The following EPB41L4B variants were observed in gnomAD, a reference collection of about 807,000 sequenced individuals.
The protein encoded by EPB41L4B is band 4.1-like protein 4B.
A neutral mutation model predicts 112.5 loss-of-function variants in EPB41L4B; 30 were observed. The ratio of observed to expected loss-of-function variants is 0.27; its 90% CI spans 0.20 to 0.36. The LOEUF is 0.36. EPB41L4B is among the 10% of genes least tolerant of loss of function. The pLI, the probability that EPB41L4B is intolerant of heterozygous loss-of-function variation, is 1.00. For missense variants in EPB41L4B, 1,024 were observed against 1,133.3 expected (o/e 0.90, Z 1.38); for synonymous variants, 408 against 439.7 (o/e 0.93, Z 0.90).
chr9:109,212,584 C>T lies in EPB41L4B; in HGVS notation c.1752+1116G>A, dbSNP rs185870066. Among the ~76,000 whole-genome samples, 32 of 152,278 alleles carry T rather than the reference C, an allele frequency of 2.1e-4. 1 individual carries two copies. The East Asian group carries it at 3.3e-3, about 16-fold the overall frequency. ...GAGGGATTATGGGAAAGGTCAGGGA[C>T]GGGAAGGGCAGGAGGTGTAACCTTC... On this transcript the variant is annotated intron_variant, in intron 17 of 25. Transcript: ENST00000374566.
chr9:109,175,227 A>T (rs4978775), intron 25 of EPB41L4B, among the ~76,000 whole-genome samples: 122,712 of 152,068 alleles, frequency 0.81, 49,716 homozygotes, highest in Admixed American at 0.85. Flanking sequence ...CTCAGTAAAG[A>T]CTTTTGAATG....
chr9:109,312,743 C>T (rs756728592), intron 1 of EPB41L4B, among the ~76,000 whole-genome samples: 2 of 152,170 alleles, frequency 1.3e-5, no homozygotes, highest in Admixed American at 6.5e-5. Flanking sequence ...ATTTCAAAGG[C>T]AACTCACTCA....
At chr9:109,241,870 T>G in intron 15 of EPB41L4B, 1 of 1,561,830 alleles carries the variant, frequency 6.4e-7, no homozygotes, top group Non-Finnish European at 8.8e-7. Context: ...GAAATGTAAG[T>G]GAAACAACAC....
Position 109,320,145 on chromosome 9 carries a change from A to G in EPB41L4B, c.302T>C (p.Leu101Pro). 6.8e-7 allele frequency: 1 copy of G among 1,464,520 alleles called. No homozygotes were observed. The highest frequency in any genetic ancestry group is 9.0e-7 in the Non-Finnish European group (1 of 1,105,628). The allele number at this position is 1,464,520 out of a possible 1,614,324, so 90.7% of individuals were successfully genotyped here. Reference protein sequence around the residue: ...LLDGTEVSVDLPKHAKGQDLF... With the variant: ...LLDGTEVSVDPPKHAKGQDLF... ...CAGACTGGCCCCGTCACTCACCGGC[A>G]GGTCCACGCTCACTTCGGTCCCGTC... The change falls in exon 1 of 26, where the codon CTG (leucine) becomes CCG (proline). Residue 101 changes from leucine (L) to proline (P), a missense_variant. Coordinates refer to ENST00000374566, the MANE Select transcript of EPB41L4B (RefSeq NM_019114.5).
chr9:109,309,024 C>A (rs1441703543), intron 1 of EPB41L4B, among the ~76,000 whole-genome samples: 1 of 151,990 alleles, frequency 6.6e-6, no homozygotes, highest in African/African-American at 2.4e-5. Flanking sequence ...TGCAGGGAAC[C>A]AAGATCACGC....
intron 20 of EPB41L4B, among the ~76,000 whole-genome samples, chr9:109,198,369 T>G (rs1287518345): frequency 6.6e-6 from 1 of 152,180 alleles, no homozygotes. Context: ...CATTCTCTCA[T>G]GTTAAGCCCC....
At chr9:109,283,226 G>C (rs1836137426) in intron 1 of EPB41L4B, among the ~76,000 whole-genome samples, 3 of 152,134 alleles carry the variant, frequency 2.0e-5, no homozygotes, top group African/African-American at 7.2e-5. Flanking sequence ...CGGTGGGCAG[G>C]GTTCTCCCCT....
intron 11 of EPB41L4B, 70 bp from the exon 12 acceptor site, chr9:109,253,620 G>A (rs1834876411): frequency 2.0e-6 from 2 of 1,017,562 alleles, no homozygotes; most frequent in Non-Finnish European, 3.1e-6. Context: ...TTTTGAAAGT[G>A]CACTTTTATT....
intron 1 of EPB41L4B, among the ~76,000 whole-genome samples, chr9:109,315,567 C>A (rs746324300): frequency 6.6e-6 from 1 of 152,142 alleles, no homozygotes; most frequent in Non-Finnish European, 1.5e-5. Flanking sequence ...CACCTTCAGA[C>A]GCTGACAATC....
intron 7 of EPB41L4B, among the ~76,000 whole-genome samples, 157 bp downstream of exon 7, chr9:109,258,020 C>T (rs530194557): frequency 2.6e-5 from 4 of 152,240 alleles, no homozygotes; most frequent in African/African-American, 9.6e-5. Context: ...AGATGTGGGC[C>T]TTTGGAAAAA....
At chr9:109,301,064 A>G (rs980781261) in intron 1 of EPB41L4B, 3 of 152,206 alleles carry the variant, frequency 2.0e-5, no homozygotes, top group African/African-American at 7.2e-5. Context: ...TTTATTCCAC[A>G]TCACTAATGA....
At chr9:109,203,957 C>A (rs1832914123) in intron 18 of EPB41L4B, among the ~76,000 whole-genome samples, 1 of 152,180 alleles carries the variant, frequency 6.6e-6, no homozygotes, top group African/African-American at 2.4e-5. Context: ...GCAATCAATT[C>A]TTGCATTCAT....
Position 109,267,539 on chromosome 9 carries a change from T to C in EPB41L4B, c.467A>G (p.Tyr156Cys). The change falls in exon 4 of 26, where the codon TAT becomes TGT. Residue 156 changes from tyrosine (Y) to cysteine (C), a missense_variant. Tyr to Cys is a radical substitution (Grantham distance 194, BLOSUM62 -2). Coordinates refer to ENST00000374566, the MANE Select transcript of EPB41L4B (RefSeq NM_019114.5). ...GTATTTAACTCGAAAGTGTAAAGCATAAGCAGGTCCAACTAAACATTTGGA... is the reference window on the plus strand; with the variant it reads ...GTATTTAACTCGAAAGTGTAAAGCACAAGCAGGTCCAACTAAACATTTGGA... ...IKKQMKIGPA[Y>C]ALHFRVKYYS... 6.2e-7 allele frequency: 1 copy of C among 1,611,398 alleles called. No individual in the cohort carries two copies. Among genetic ancestry groups the C allele is most frequent in the South Asian group, 1.1e-5 (1 of 90,956 alleles).
chr9:109,263,201 A>G, intron 5 of EPB41L4B, 99 bp from the exon 6 acceptor site: 1 of 786,264 alleles, frequency 1.3e-6, no homozygotes, highest in Non-Finnish European at 2.1e-6. Flanking sequence ...CGCTATTTAG[A>G]TAATGACTTG....
At chr9:109,308,216 AGAGG>A (rs1183034691) in intron 1 of EPB41L4B, among the ~76,000 whole-genome samples, 3 of 152,160 alleles carry the variant, frequency 2.0e-5, no homozygotes, top group East Asian at 3.9e-4. Flanking sequence ...GGAGTGAGCT[AGAGG>A]GAGGAAGAAC....
At position 109,268,386 on chromosome 9, in the gene EPB41L4B, C is replaced by A. The variant is rs1248027648; in HGVS notation, c.454+5G>T. The A allele has an allele frequency of 6.2e-7, 1 of 1,610,456 alleles. No homozygotes were observed. The highest frequency in any genetic ancestry group is 8.5e-7 in the Non-Finnish European group (1 of 1,179,058). On this transcript the variant is annotated splice_donor_5th_base_variant and intron_variant, in intron 3 of 25. Coordinates refer to ENST00000374566, the MANE Select transcript of EPB41L4B (RefSeq NM_019114.5). ...AAATGAGTGAGCTAAATTCTGCTTA[C>A]TTACTTTTCATCTGCTTTTTTATGG...
chr9:109,232,610 T>C (rs971616538), intron 15 of EPB41L4B, among the ~76,000 whole-genome samples: 5 of 152,186 alleles, frequency 3.3e-5, no homozygotes, highest in Middle Eastern at 3.2e-3. Context: ...CCAGACGCCA[T>C]CCGGCTCACT....
At chr9:109,213,265 G>A (rs570079832) in intron 17 of EPB41L4B, among the ~76,000 whole-genome samples, 1 of 152,312 alleles carries the variant, frequency 6.6e-6, no homozygotes, top group African/African-American at 2.4e-5. Flanking sequence ...AGTCAAAAGG[G>A]GGCCTGGCTT....
chr9:109,283,931 TAA>T (rs200346279), intron 1 of EPB41L4B, among the ~76,000 whole-genome samples: 187 of 132,500 alleles, frequency 1.4e-3, no homozygotes, highest in East Asian at 3.7e-3. Context: ...TACAAAAAAG[TAA>T]AAAAAAAAAA....
Sources: allele counts gnomAD v4.1 joint callset (sites outside exome capture counted in the v4.1 genomes callset), GRCh38; gene constraint gnomAD v4.1.1; transcripts MANE v1.5; gene names NCBI Gene and HGNC (gene_info 2026-07-23, HGNC 2026-07-21).